Variants in FARP1 observed in about 807,000 individuals in gnomAD.
FARP1 encodes FERM, ARHGEF and pleckstrin domain-containing protein 1.
A neutral mutation model predicts 128.8 loss-of-function variants in FARP1; 52 were observed. The observed-to-expected ratio is 0.40, with a 90% CI of 0.32 to 0.51. FARP1 has a LOEUF of 0.51. Among genes scored for constraint, FARP1 ranks in the 20% least tolerant of loss-of-function variants. The pLI, the probability that FARP1 is intolerant of heterozygous loss-of-function variation, is 0.45. For synonymous variants in FARP1, 580 were observed against 551.8 expected (o/e 1.05, Z -0.72); for missense variants, 1,333 against 1,367.9 (o/e 0.97, Z 0.40).
chr13:98,162,041 A>G (rs1876924589), intron 1 of FARP1, among the ~76,000 whole-genome samples: 1 of 152,032 alleles, frequency 6.6e-6, no homozygotes, highest in Non-Finnish European at 1.5e-5. Context: ...TAGCCTCCCA[A>G]AGTGCTGGGA....
intron 2 of FARP1, among the ~76,000 whole-genome samples, chr13:98,257,094 C>T (rs778040592): frequency 4.0e-5 from 6 of 151,150 alleles, no homozygotes; most frequent in African/African-American, 7.3e-5. Flanking sequence ...ACTATTCCCT[C>T]GTCACACTTC....
chr13:98,323,977 A>G (rs751171805), intron 2 of FARP1, among the ~76,000 whole-genome samples: 2 of 152,220 alleles, frequency 1.3e-5, no homozygotes, highest in African/African-American at 4.8e-5. Flanking sequence ...TAACTAATAC[A>G]CATTTTGAGT....
intron 2 of FARP1, among the ~76,000 whole-genome samples, chr13:98,292,256 A>G (rs1316142913): frequency 2.0e-5 from 3 of 152,228 alleles, no homozygotes; most frequent in East Asian, 3.8e-4. Context: ...CATAGCATCC[A>G]CATTTTTAAC....
chr13:98,353,172 C>T (rs958847261), intron 3 of FARP1, among the ~76,000 whole-genome samples: 14 of 151,912 alleles, frequency 9.2e-5, no homozygotes, highest in Non-Finnish European at 5.9e-5. Flanking sequence ...TAAACTCTGG[C>T]GTATAAAGAT....
At chr13:98,302,835 G>T (rs748995720) in intron 2 of FARP1, among the ~76,000 whole-genome samples, 1 of 152,170 alleles carries the variant, frequency 6.6e-6, no homozygotes, top group East Asian at 1.9e-4. Flanking sequence ...AACCAGGGGC[G>T]AGGAGAGTTA....
chr13:98,149,729 C>CTTTTTTTTT (rs71120307), intron 1 of FARP1, among the ~76,000 whole-genome samples: 5 of 52,382 alleles, frequency 9.5e-5, no homozygotes, highest in Non-Finnish European at 1.4e-4. Context: ...TAGATATTTA[C>CTTTTTTTTT]TTTTTTTTTT....
intron 1 of FARP1, among the ~76,000 whole-genome samples, chr13:98,153,020 A>G (rs9556888): frequency 0.25 from 38,441 of 151,820 alleles, 5,914 homozygotes; most frequent in East Asian, 0.5. Flanking sequence ...AACCTAGAAT[A>G]TCATCTATCT....
At chr13:98,279,963 G>A (rs1403215821) in intron 2 of FARP1, among the ~76,000 whole-genome samples, 1 of 152,054 alleles carries the variant, frequency 6.6e-6, no homozygotes, top group Non-Finnish European at 1.5e-5. Flanking sequence ...ACCTTTCTCA[G>A]GTGTTTTCAG....
intron 2 of FARP1, among the ~76,000 whole-genome samples, chr13:98,295,056 C>T (rs1474603116): frequency 2.4e-5 from 1 of 41,958 alleles, no homozygotes; most frequent in East Asian, 1.1e-3. Context: ...TACACACACA[C>T]ACACACACAC....
chr13:98,349,530 G>A (rs985281637), intron 3 of FARP1, among the ~76,000 whole-genome samples: 2 of 151,800 alleles, frequency 1.3e-5, no homozygotes, highest in East Asian at 1.9e-4. Context: ...AAATTAGCCC[G>A]TTTGGTGGCA....
intron 2 of FARP1, among the ~76,000 whole-genome samples, chr13:98,323,656 T>C (rs1468558229): frequency 2.0e-5 from 3 of 152,194 alleles, no homozygotes; most frequent in East Asian, 3.8e-4. Flanking sequence ...GTTTCTCTAA[T>C]TGGCACATCT....
intron 2 of FARP1, among the ~76,000 whole-genome samples, chr13:98,277,453 T>A (rs1207127464): frequency 1.3e-5 from 2 of 152,214 alleles, no homozygotes; most frequent in Admixed American, 1.3e-4. Context: ...ATACCATGCC[T>A]GGCTTTAGAA....
intron 2 of FARP1, among the ~76,000 whole-genome samples, chr13:98,285,391 C>T (rs1808051440): frequency 6.6e-6 from 1 of 152,148 alleles, no homozygotes; most frequent in African/African-American, 2.4e-5. Context: ...CATTTTATTT[C>T]ATTCAGAATT....
At chr13:98,421,272 C>G (rs1005968513) in intron 16 of FARP1, among the ~76,000 whole-genome samples, 1 of 152,168 alleles carries the variant, frequency 6.6e-6, no homozygotes, top group Admixed American at 6.5e-5. Flanking sequence ...AAATAGTTGG[C>G]AAAAGAATAG....
intron 16 of FARP1, among the ~76,000 whole-genome samples, chr13:98,422,401 G>A (rs1447029753): frequency 2.6e-5 from 4 of 152,158 alleles, no homozygotes; most frequent in Non-Finnish European, 4.4e-5. Flanking sequence ...CTAAGAGAAC[G>A]CAGAGGACTG....
At chr13:98,348,018 C>A (rs1309878023) in intron 3 of FARP1, among the ~76,000 whole-genome samples, 2 of 152,138 alleles carry the variant, frequency 1.3e-5, no homozygotes, top group African/African-American at 4.8e-5. Context: ...TTATAAATAC[C>A]CAAGTCAGAG....
chr13:98,219,768 G>A (rs1410661232), intron 2 of FARP1, among the ~76,000 whole-genome samples: 1 of 152,108 alleles, frequency 6.6e-6, no homozygotes, highest in African/African-American at 2.4e-5. Context: ...TGGGCTCAGC[G>A]GGCCTCCCAC....
At chr13:98,390,236 C>G in intron 10 of FARP1, 116 bp downstream of exon 10, 1 of 1,154,950 alleles carries the variant, frequency 8.7e-7, no homozygotes, top group East Asian at 2.4e-5. Context: ...CCTCCAGGAG[C>G]TATGGCCAAG....
At chr13:98,251,741 C>T (rs1883336182) in intron 2 of FARP1, among the ~76,000 whole-genome samples, 1 of 151,558 alleles carries the variant, frequency 6.6e-6, no homozygotes, top group South Asian at 2.1e-4. Context: ...AAACAACTAC[C>T]AAAGCCCTCC....
Sources: gnomAD v4.1 joint callset for allele counts (sites outside exome capture counted in the v4.1 genomes callset) on GRCh38, gnomAD v4.1.1 for gene constraint, MANE v1.5 for transcripts, NCBI Gene and HGNC (gene_info 2026-07-23, HGNC 2026-07-21) for gene names.